Variants in IL12RB2 observed in about 807,000 individuals in gnomAD.
The protein encoded by IL12RB2 is interleukin 12 receptor subunit beta 2, also known as interleukin-12 receptor subunit beta-2.
IL12RB2 carries 82 observed loss-of-function variants against 89.4 expected under a neutral mutation model. That is an observed-to-expected ratio of 0.92 (90% CI 0.77 to 1.10). The LOEUF is 1.10. IL12RB2 is among the 50% of genes least tolerant of loss of function. The pLI, the probability that IL12RB2 is intolerant of heterozygous loss-of-function variation, is 0.00. For synonymous variants in IL12RB2, 368 were observed against 370.1 expected (o/e 0.99, Z 0.07); for missense variants, 963 against 1,031.9 (o/e 0.93, Z 0.92).
intron 1 of IL12RB2, among the ~76,000 whole-genome samples, chr1:67,311,013 A>G (rs1654983368): frequency 6.6e-6 from 1 of 151,984 alleles, no homozygotes; most frequent in Admixed American, 6.5e-5. Context: ...GTGAGTCACC[A>G]CGTCCGTCCA....
At chr1:67,356,574 T>C (rs940075067) in intron 10 of IL12RB2, among the ~76,000 whole-genome samples, 9 of 152,170 alleles carry the variant, frequency 5.9e-5, no homozygotes, top group Non-Finnish European at 1.2e-4. Flanking sequence ...AGGTACTAGT[T>C]TGATTCTGGA....
At position 67,321,611 on chromosome 1, in the gene IL12RB2, A is replaced by G. The variant is rs776186711; in HGVS notation, c.86A>G (p.Lys29Arg). 6.3e-7 allele frequency: 1 copy of G among 1,598,230 alleles called. No homozygotes were observed. Among genetic ancestry groups the G allele is most frequent in the South Asian group, 1.1e-5 (1 of 90,726 alleles). ...CTGTATCTTATTGCAGATGCGTGCA[A>G]GAGAGGCGATGTGACTGTGAAGCCT... The part of the protein sequence containing the change: ...LLIKAKIDAC[K>R]RGDVTVKPSH... The change falls in exon 4 of 17, where the codon AAG becomes AGG. Residue 29 changes from lysine to arginine, a missense_variant. Coordinates refer to ENST00000674203, the MANE Select transcript of IL12RB2 (RefSeq NM_001374259.2).
chr1:67,325,785 T>G (rs185361865), intron 4 of IL12RB2, among the ~76,000 whole-genome samples: 14 of 152,210 alleles, frequency 9.2e-5, no homozygotes, highest in African/African-American at 2.4e-4. Flanking sequence ...ACTTCTGTAG[T>G]ATACTCATTT....
At position 67,386,070 on chromosome 1, in the gene IL12RB2, G is replaced by A. The variant is rs534637201; in HGVS notation, c.1856-509G>A. On this transcript the variant is annotated intron_variant, in intron 14 of 16. Transcript: ENST00000674203. ...CTAAAAATACAAAAATTAGCCGGGC[G>A]TGGTGGCACACGCCTGTAGTCCCAG... Among the ~76,000 whole-genome samples the A allele has an allele frequency of 5.3e-5, 8 of 151,954 alleles. No individual in the cohort carries two copies. In the East Asian group the frequency reaches 7.8e-4, roughly 15 times the overall value.
At position 67,329,703 on chromosome 1, in the gene IL12RB2, C is replaced by A; in HGVS notation, c.781C>A (p.Pro261Thr). The change falls in exon 7 of 17, where the codon CCC becomes ACC. Residue 261 changes from proline (P) to threonine (T), a missense_variant. Pro to Thr is a conservative substitution (Grantham distance 38). Transcript: ENST00000674203. ...ACTGCTTAATCGACTCAGATATCGGCCCAGTAACAGCAGGCTCTGGAATAT... is the reference window on the plus strand; with the variant it reads ...ACTGCTTAATCGACTCAGATATCGGACCAGTAACAGCAGGCTCTGGAATAT... The part of the protein sequence containing the change: ...LVLLNRLRYR[P>T]SNSRLWNMVN... 6.2e-7 allele frequency: 1 copy of A among 1,606,702 alleles called. No homozygotes were observed. The highest frequency in any genetic ancestry group is 8.5e-7 in the Non-Finnish European group (1 of 1,173,302).
At chr1:67,385,893 C>T (rs1400570115) in intron 14 of IL12RB2, among the ~76,000 whole-genome samples, 6 of 152,144 alleles carry the variant, frequency 3.9e-5, no homozygotes, top group Non-Finnish European at 8.8e-5. Context: ...GTACATGTCA[C>T]CATTCGCATT....
At chr1:67,362,207 G>A (rs1179487609) in intron 10 of IL12RB2, among the ~76,000 whole-genome samples, 1 of 151,214 alleles carries the variant, frequency 6.6e-6, no homozygotes, top group Non-Finnish European at 1.5e-5. Flanking sequence ...GGAGGCAGAG[G>A]TTGCAGTGAG....
At chr1:67,315,130 A>G (rs1655598485) in intron 2 of IL12RB2, among the ~76,000 whole-genome samples, 1 of 152,132 alleles carries the variant, frequency 6.6e-6, no homozygotes, top group South Asian at 2.1e-4. Context: ...TGTTTGGATC[A>G]ATGTACCATT....
intron 16 of IL12RB2, among the ~76,000 whole-genome samples, chr1:67,394,830 G>C (rs1000689170): frequency 3.3e-5 from 5 of 152,188 alleles, no homozygotes; most frequent in East Asian, 1.9e-4. Flanking sequence ...ACTCAGCTCA[G>C]CTCTCGTGTC....
chr1:67,361,554 T>G (rs960750495), intron 10 of IL12RB2, among the ~76,000 whole-genome samples: 4 of 152,098 alleles, frequency 2.6e-5, no homozygotes, highest in Admixed American at 2.6e-4. Context: ...TAGACATATC[T>G]GGGGGAGGAG....
chr1:67,310,585 C>G (rs1654918471), intron 1 of IL12RB2, among the ~76,000 whole-genome samples: 1 of 152,148 alleles, frequency 6.6e-6, no homozygotes, highest in Non-Finnish European at 1.5e-5. Flanking sequence ...CGTAGTGTCA[C>G]TGAAAAGAAG....
chr1:67,326,023 T>C (rs1657234469), intron 4 of IL12RB2, among the ~76,000 whole-genome samples: 1 of 152,190 alleles, frequency 6.6e-6, no homozygotes, highest in South Asian at 2.1e-4. Flanking sequence ...TGTGCTTGGC[T>C]CGTGGGAGGT....
In IL12RB2 at chr1:67,395,940, C is replaced by A. The variant is rs1020540539; in HGVS notation, c.2440C>A (p.Pro814Thr). 2 of 1,612,008 alleles carry A rather than the reference C, an allele frequency of 1.2e-6. No individual in the cohort carries two copies. The highest frequency in any genetic ancestry group is 1.7e-6 in the Non-Finnish European group (2 of 1,178,010). The change falls in exon 17 of 17, where the codon CCT (proline) becomes ACT (threonine). Residue 814 changes from proline to threonine, a missense_variant. Physicochemically the swap from Pro to Thr is conservative, Grantham distance 38. Coordinates refer to ENST00000674203, the MANE Select transcript of IL12RB2 (RefSeq NM_001374259.2). ...AGATGACCTCCCCTCACATGAGGCA[C>A]CTCTCGCTGACTCTCTGGAAGAACT... ...NIDDLPSHEA[P>T]LADSLEELEP...
intron 9 of IL12RB2, among the ~76,000 whole-genome samples, chr1:67,347,161 C>T (rs923067881): frequency 2.0e-5 from 3 of 152,018 alleles, no homozygotes; most frequent in African/African-American, 7.2e-5. Context: ...AGGATCTGCT[C>T]TAATAAGAAA....
At position 67,335,170 on chromosome 1, in the gene IL12RB2, G is replaced by A. The variant is rs567495183; in HGVS notation, c.959-3454G>A. Among the ~76,000 whole-genome samples the A allele has an allele frequency of 2.3e-3, 351 of 152,282 alleles. 2 individuals carry two copies. Among genetic ancestry groups the A allele is most frequent in the Non-Finnish European group, 3.7e-3 (249 of 68,016 alleles). ...AATCTTTTGTTGTTTTTGTTTTTAG[G>A]ATCTGAGATAATACAGTGTATCTGC... On this transcript the variant is annotated intron_variant, in intron 8 of 16. Coordinates refer to ENST00000674203, the MANE Select transcript of IL12RB2 (RefSeq NM_001374259.2).
Position 67,326,616 on chromosome 1 carries a change from C to T in IL12RB2, c.365-119C>T, listed in dbSNP as rs998630740. 3.4e-6 allele frequency: 5 copies of T among 1,477,860 alleles called. No individual in the cohort carries two copies. In the African/African-American group the frequency reaches 7.0e-5, roughly 21 times the overall value. 91.5% of individuals were successfully genotyped at this position (1,477,860 alleles called of 1,614,324 possible). ...ACTTGAATGGAATCTAAAATAGCTTCTAGTTTACCTGGGTTTACGGCATGT... is the reference window on the plus strand; with the variant it reads ...ACTTGAATGGAATCTAAAATAGCTTTTAGTTTACCTGGGTTTACGGCATGT... On this transcript the variant is annotated intron_variant, in intron 4 of 16. Coordinates refer to ENST00000674203, the MANE Select transcript of IL12RB2 (RefSeq NM_001374259.2).
chr1:67,390,699 T>A (rs1398314570), intron 16 of IL12RB2, among the ~76,000 whole-genome samples: 1 of 152,094 alleles, frequency 6.6e-6, no homozygotes, highest in East Asian at 1.9e-4. Context: ...TGAAGGGAAC[T>A]GCTGCAGCCC....
intron 16 of IL12RB2, 27 bp from the exon 17 acceptor site, chr1:67,395,520 G>C: frequency 6.2e-7 from 1 of 1,614,186 alleles, no homozygotes; most frequent in Non-Finnish European, 8.5e-7. Flanking sequence ...ACAGCAGTGT[G>C]AGCCTCTTCC....
intron 13 of IL12RB2, among the ~76,000 whole-genome samples, chr1:67,376,730 A>T (rs1214453552): frequency 1.3e-5 from 2 of 151,450 alleles, no homozygotes; most frequent in African/African-American, 4.9e-5. Flanking sequence ...GTGTGTTTGG[A>T]TAAACTTTAT....
Sources: gnomAD v4.1 joint callset for allele counts (sites outside exome capture counted in the v4.1 genomes callset) on GRCh38, gnomAD v4.1.1 for gene constraint, MANE v1.5 for transcripts, NCBI Gene and HGNC (gene_info 2026-07-23, HGNC 2026-07-21) for gene names.